Variants in GALNT13 observed in about 807,000 individuals in gnomAD.
GALNT13 encodes polypeptide N-acetylgalactosaminyltransferase 13, also known as UDP-GalNAc:polypeptide N-acetylgalactosaminyltransferase 13.
GALNT13 carries 28 observed loss-of-function variants against 64.2 expected under a neutral mutation model. The observed-to-expected ratio is 0.44, with a 90% confidence interval of 0.32 to 0.60. The LOEUF (loss-of-function observed/expected upper bound fraction) is 0.60. GALNT13 is among the 20% of genes least tolerant of loss of function. The pLI is 0.05. For missense variants in GALNT13, 577 were observed against 669.8 expected, an observed-to-expected ratio of 0.86 and a Z score of 1.53; for synonymous variants, 214 against 224.6, an observed-to-expected ratio of 0.95 and a Z score of 0.42.
the GALNT13 span, among the ~76,000 whole-genome samples, chr2:153,592,423 A>G: frequency 1.3e-5 from 2 of 152,226 alleles, no homozygotes; most frequent in South Asian, 2.1e-4. Context: ...TAGGAAAGAT[A>G]TGAAATCAAT....
intron 9 of GALNT13, among the ~76,000 whole-genome samples, chr2:154,329,832 C>G (rs1378689272): frequency 3.9e-5 from 6 of 152,028 alleles, no homozygotes; most frequent in South Asian, 4.1e-4. Context: ...CCTTCTTTCT[C>G]TCTCTCCTGT....
chr2:153,316,929 C>T, the GALNT13 span, among the ~76,000 whole-genome samples: 29 of 152,074 alleles, frequency 1.9e-4, no homozygotes, highest in Non-Finnish European at 2.8e-4. Context: ...TGGGTGAGTG[C>T]AATTTGTCAA....
At chr2:153,826,528 G>C in the GALNT13 span, among the ~76,000 whole-genome samples, 1 of 152,138 alleles carries the variant, frequency 6.6e-6, no homozygotes, top group Non-Finnish European at 1.5e-5. Flanking sequence ...TCCCCTACAA[G>C]TGTTCCCTGG....
the GALNT13 span, among the ~76,000 whole-genome samples, chr2:153,680,063 C>G: frequency 6.6e-6 from 1 of 151,770 alleles, no homozygotes; most frequent in Admixed American, 6.6e-5. Flanking sequence ...CTACCTTCAT[C>G]CCACAAGACT....
chr2:153,673,932 G>A, the GALNT13 span, among the ~76,000 whole-genome samples: 1 of 152,110 alleles, frequency 6.6e-6, no homozygotes, highest in Non-Finnish European at 1.5e-5. Flanking sequence ...GCCAAATCAT[G>A]AGTGAACTCC....
chr2:153,241,650 T>G, the GALNT13 span, among the ~76,000 whole-genome samples: 1 of 123,174 alleles, frequency 8.1e-6, no homozygotes, highest in Non-Finnish European at 1.9e-5. Flanking sequence ...CCAAGTTCTG[T>G]GTGTGTATGT....
chr2:153,453,282 C>T, the GALNT13 span, among the ~76,000 whole-genome samples: 3 of 152,068 alleles, frequency 2.0e-5, no homozygotes, highest in Non-Finnish European at 4.4e-5. Context: ...ATCTAATTAA[C>T]TTAAAGAGCT....
intron 4 of GALNT13, among the ~76,000 whole-genome samples, chr2:154,192,583 C>T (rs1261607119): frequency 6.6e-6 from 1 of 152,110 alleles, no homozygotes; most frequent in Admixed American, 6.5e-5. Flanking sequence ...TGCAAACAAA[C>T]ATGGTGTAAA....
In GALNT13 at chr2:154,208,886, AG is replaced by A. The variant is rs566388537; in HGVS notation, c.312-33143del. Among the ~76,000 whole-genome samples the A allele has an allele frequency of 1.9e-3, 283 of 152,278 alleles. 1 individual carries two copies. The highest frequency in any genetic ancestry group is 6.3e-3 in the African/African-American group (261 of 41,570). Reference sequence around the variant, plus strand: ...TACCTTCATTGAAGCACAAAGAAGTAGAAATTCTTTTTATTTCAATTAATTT... The same window carrying A: ...TACCTTCATTGAAGCACAAAGAAGTAAAATTCTTTTTATTTCAATTAATTT... On this transcript the variant is annotated intron_variant, in intron 4 of 12. Coordinates refer to ENST00000392825, the MANE Select transcript of GALNT13 (RefSeq NM_052917.4).
chr2:153,552,777 G>A, the GALNT13 span, among the ~76,000 whole-genome samples: 379 of 152,074 alleles, frequency 2.5e-3, 2 homozygotes, highest in African/African-American at 8.7e-3. Context: ...ATGGTGGTTG[G>A]GGGGATGGTT....
chr2:154,203,068 C>T (rs192388447), intron 4 of GALNT13, among the ~76,000 whole-genome samples: 2 of 152,122 alleles, frequency 1.3e-5, no homozygotes, highest in African/African-American at 2.4e-5. Flanking sequence ...CTTGTGTTTT[C>T]GGGGGCTATA....
At chr2:153,634,327 C>A in the GALNT13 span, among the ~76,000 whole-genome samples, 1 of 151,948 alleles carries the variant, frequency 6.6e-6, no homozygotes, top group African/African-American at 2.4e-5. Context: ...TTGTATGAAT[C>A]ATGAAAGTAA....
intron 9 of GALNT13, 37 bp downstream of exon 9, chr2:154,301,626 A>G (rs1693447058): frequency 7.2e-7 from 1 of 1,382,698 alleles, no homozygotes; most frequent in Non-Finnish European, 1.0e-6. Flanking sequence ...TCTACAGGAG[A>G]AAATAAAATT....
chr2:153,588,886 G>T, the GALNT13 span, among the ~76,000 whole-genome samples: 5 of 152,282 alleles, frequency 3.3e-5, no homozygotes, highest in African/African-American at 1.2e-4. Flanking sequence ...TCTTCTGCAG[G>T]CTGGGGCATG....
At chr2:153,969,362 A>G (rs552968648) in intron 3 of GALNT13, among the ~76,000 whole-genome samples, 691 of 152,158 alleles carry the variant, frequency 4.5e-3, no homozygotes, top group Admixed American at 8.8e-3. Context: ...AATTACCTAA[A>G]AAAATATGTG....
At chr2:154,090,320 G>A (rs529022795) in intron 3 of GALNT13, among the ~76,000 whole-genome samples, 1 of 152,070 alleles carries the variant, frequency 6.6e-6, no homozygotes, top group East Asian at 1.9e-4. Flanking sequence ...TGTAATGTCA[G>A]CTCAATTTCT....
rs1008257000 is a variant in GALNT13 at position 153,889,506 on chromosome 2, T to A, written c.-176-11430T>A. On this transcript the variant is annotated intron_variant, in intron 1 of 12. Coordinates refer to ENST00000392825, the MANE Select transcript of GALNT13 (RefSeq NM_052917.4). ...TGTTTGCTTTTTATAAAATCTCATA[T>A]GTATTTATTACTTACCATTGAAAAA... 6.6e-5 allele frequency among the ~76,000 whole-genome samples: 10 copies of A among 152,172 alleles called. No homozygotes were observed. The East Asian group carries it at 1.7e-3, about 27-fold the overall frequency.
chr2:153,314,711 T>C, the GALNT13 span, among the ~76,000 whole-genome samples: 1 of 137,832 alleles, frequency 7.3e-6, no homozygotes, highest in Non-Finnish European at 1.6e-5. Context: ...GGGAAATAGA[T>C]AATACTTTGA....
chr2:153,702,971 G>A, the GALNT13 span, among the ~76,000 whole-genome samples: 1 of 152,186 alleles, frequency 6.6e-6, no homozygotes, highest in Non-Finnish European at 1.5e-5. Flanking sequence ...ACCTAGCAAT[G>A]AGACTGGGAA....
Sources: gnomAD v4.1 joint callset for allele counts (sites outside exome capture counted in the v4.1 genomes callset) on GRCh38, gnomAD v4.1.1 for gene constraint, MANE v1.5 for transcripts, NCBI Gene and HGNC (gene_info 2026-07-23, HGNC 2026-07-21) for gene names.